NDUFA10: variants seen among roughly 807,000 people sequenced by gnomAD.
NDUFA10 encodes NADH dehydrogenase [ubiquinone] 1 alpha subcomplex subunit 10, mitochondrial.
NDUFA10 carries 40 observed loss-of-function variants against 47.8 expected under a neutral mutation model. The observed-to-expected ratio is 0.84, with a 90% CI of 0.65 to 1.09. The LOEUF (loss-of-function observed/expected upper bound fraction) is 1.09, where lower values mean the gene tolerates loss of function less well. Among genes scored for constraint, NDUFA10 ranks in the 50% least tolerant of loss-of-function variants. NDUFA10 has a pLI of 0.00. For missense variants in NDUFA10, 413 were observed against 451.1 expected, an observed-to-expected ratio of 0.92 and a Z score of 0.76; for synonymous variants, 183 against 172.2, an observed-to-expected ratio of 1.06 and a Z score of -0.49.
intron 4 of NDUFA10, among the ~76,000 whole-genome samples, chr2:239,898,215 A>T (rs1473069432): frequency 6.6e-6 from 1 of 152,218 alleles, no homozygotes; most frequent in Non-Finnish European, 1.5e-5. Context: ...CTGCAATAAA[A>T]TAATGATGTT....
chr2:240,024,038 A>G (rs759281393), intron 1 of NDUFA10, among the ~76,000 whole-genome samples: 10 of 151,790 alleles, frequency 6.6e-5, no homozygotes, highest in Non-Finnish European at 1.5e-4. Flanking sequence ...TTCTGGTGGG[A>G]GTCAAATGGC....
intron 6 of NDUFA10, among the ~76,000 whole-genome samples, chr2:240,008,185 CT>C (rs1697016892): frequency 6.6e-6 from 1 of 152,180 alleles, no homozygotes; most frequent in African/African-American, 2.4e-5. Context: ...TCTTCAAGCT[CT>C]ACAATCACTC....
downstream of NDUFA10, among the ~76,000 whole-genome samples, chr2:239,956,568 G>A (rs1479395690): frequency 1.3e-5 from 2 of 152,344 alleles, no homozygotes; most frequent in East Asian, 3.9e-4. Context: ...CGTTGCTCCT[G>A]GAGTCGGGAC....
At chr2:239,963,814 T>G (rs1162232205) in intron 9 of NDUFA10, among the ~76,000 whole-genome samples, 1 of 152,166 alleles carries the variant, frequency 6.6e-6, no homozygotes. Flanking sequence ...AGAGCAGCAC[T>G]GCATGGCTGA....
chr2:239,994,145 G>T (rs899383052), intron 8 of NDUFA10, among the ~76,000 whole-genome samples: 1 of 152,094 alleles, frequency 6.6e-6, no homozygotes, highest in Non-Finnish European at 1.5e-5. Flanking sequence ...TTAACTATGA[G>T]ATTTCAGACA....
At position 239,927,207 on chromosome 2, in the gene NDUFA10, T is replaced by G. The variant is rs145286453; in HGVS notation, c.295-31893A>C. 3.7e-3 allele frequency among the ~76,000 whole-genome samples: 563 copies of G among 152,156 alleles called. 4 individuals carry two copies. The highest frequency in any genetic ancestry group is 0.012 in the African/African-American group (496 of 41,482). ...TTTGTGCCTTAGTATTTTTTTAAAG[T>G]TTTAAAAGTTAAAAAAGTAATAGAA... On this transcript the variant is annotated intron_variant, in intron 4 of 5. Coordinates refer to the NDUFA10 transcript ENST00000419408.
chr2:240,000,972 CAGAACT>C (rs1220695016), intron 8 of NDUFA10, among the ~76,000 whole-genome samples: 1 of 152,224 alleles, frequency 6.6e-6, no homozygotes, highest in Non-Finnish European at 1.5e-5. Context: ...TTAAGCAACA[CAGAACT>C]ACATACACAA....
intron 9 of NDUFA10, chr2:239,981,967 C>A: frequency 1.0e-6 from 1 of 979,056 alleles, no homozygotes; most frequent in Non-Finnish European, 1.4e-6. Flanking sequence ...CTAAGAACCA[C>A]TGCCATGAAA....
intron 8 of NDUFA10, among the ~76,000 whole-genome samples, chr2:239,997,071 T>C (rs1696511384): frequency 6.6e-6 from 1 of 152,156 alleles, no homozygotes; most frequent in South Asian, 2.1e-4. Context: ...TGTGTTATTT[T>C]TATTGGCTTT....
intron 4 of NDUFA10, among the ~76,000 whole-genome samples, chr2:239,941,519 A>T (rs2106378860): frequency 6.6e-6 from 1 of 152,234 alleles, no homozygotes; most frequent in East Asian, 1.9e-4. Context: ...TGAGGTCGGG[A>T]GTTGGAGACC....
At chr2:239,939,890 C>T (rs1694330440) in intron 4 of NDUFA10, among the ~76,000 whole-genome samples, 1 of 152,254 alleles carries the variant, frequency 6.6e-6, no homozygotes, top group South Asian at 2.1e-4. Context: ...GCAGGCCAAG[C>T]TGCGATTCCA....
intron 4 of NDUFA10, among the ~76,000 whole-genome samples, chr2:239,910,943 C>T (rs1354552130): frequency 6.6e-6 from 1 of 152,214 alleles, no homozygotes; most frequent in Non-Finnish European, 1.5e-5. Context: ...GCAGAGAGTC[C>T]TATTTCCAAG....
intron 4 of NDUFA10, among the ~76,000 whole-genome samples, chr2:239,911,204 A>G (rs1004697812): frequency 6.6e-6 from 1 of 152,120 alleles, no homozygotes; most frequent in African/African-American, 2.4e-5. Context: ...GCCTCCCTGG[A>G]GGGAGTTGTG....
At chr2:239,964,509 A>C (rs769630312) in intron 9 of NDUFA10, among the ~76,000 whole-genome samples, 6 of 152,334 alleles carry the variant, frequency 3.9e-5, no homozygotes, top group African/African-American at 1.4e-4. Flanking sequence ...CAGCAGCAGC[A>C]GACGACTCCT....
chr2:239,969,790 A>AT (rs1422661388), intron 9 of NDUFA10: 3 of 471,284 alleles, frequency 6.4e-6, no homozygotes, highest in East Asian at 6.9e-5. Context: ...AATTAACAGC[A>AT]TATCATACAC....
In NDUFA10 at chr2:240,004,690, A is replaced by T. The variant is rs1213144382; in HGVS notation, c.890+520T>A. Among the ~76,000 whole-genome samples the T allele has an allele frequency of 2.0e-5, 3 of 148,638 alleles. No homozygotes were observed. In the East Asian group the frequency reaches 5.8e-4, roughly 29 times the overall value. On this transcript the variant is annotated intron_variant, in intron 8 of 9. Transcript: ENST00000252711. The stretch of plus-strand genomic sequence containing the variant: ...CCACACTGGCTTGGCTGCTGGGCGC[A>T]CCTTCCCACCACACTCCTGCCTGAA...
chr2:239,949,656 T>C (rs574115059), intron 4 of NDUFA10, among the ~76,000 whole-genome samples: 1 of 152,036 alleles, frequency 6.6e-6, no homozygotes, highest in African/African-American at 2.4e-5. Context: ...ACCACACTTT[T>C]ACTTTTTGAA....
chr2:240,025,166 CCCACCCCGCCACCCCG>C, intron 1 of NDUFA10, 45 bp downstream of exon 1: 2 of 540,182 alleles, frequency 3.7e-6, no homozygotes, highest in Non-Finnish European at 6.4e-6. Context: ...GGAACTGCTC[CCCACCCCGCCACCCCG>C]CCACCCTGCC....
At chr2:239,990,610 C>G (rs543747596) in intron 8 of NDUFA10, among the ~76,000 whole-genome samples, 2 of 152,332 alleles carry the variant, frequency 1.3e-5, no homozygotes, top group East Asian at 3.9e-4. Flanking sequence ...GGGGCAGGAA[C>G]GGTGAGTAGC....
Sources: gnomAD v4.1 joint callset for allele counts (sites outside exome capture counted in the v4.1 genomes callset) on GRCh38, gnomAD v4.1.1 for gene constraint, MANE v1.5 for transcripts, NCBI Gene and HGNC (gene_info 2026-07-23, HGNC 2026-07-21) for gene names.